EEFSEC: variants seen among roughly 807,000 people sequenced by gnomAD.
EEFSEC encodes the protein selenocysteine-specific elongation factor.
Under a neutral mutation model 42.1 loss-of-function variants are expected in EEFSEC, and 43 were observed. That is an observed-to-expected ratio of 1.02 (90% CI 0.80 to 1.32). The LOEUF (loss-of-function observed/expected upper bound fraction) is 1.32. Among genes scored for constraint, EEFSEC ranks in the 40% most tolerant of loss-of-function variants. The pLI is 0.00. For missense variants in EEFSEC, 745 were observed against 803.6 expected (o/e 0.93, Z 0.88); for synonymous variants, 354 against 339.1 (o/e 1.04, Z -0.48).
chr3:128,367,375 G>A (rs754144691), intron 6 of EEFSEC, among the ~76,000 whole-genome samples: 8 of 152,212 alleles, frequency 5.3e-5, no homozygotes, highest in Non-Finnish European at 7.3e-5. Context: ...GACCCCAACC[G>A]AGTCTGGGCT....
intron 1 of EEFSEC, among the ~76,000 whole-genome samples, chr3:128,244,939 G>A (rs2066111852): frequency 6.6e-6 from 1 of 152,126 alleles, no homozygotes. Context: ...TTCTGTCATG[G>A]CATTATAGCA....
intron 1 of EEFSEC, among the ~76,000 whole-genome samples, chr3:128,158,685 C>T (rs958783428): frequency 6.6e-6 from 1 of 152,216 alleles, no homozygotes; most frequent in Non-Finnish European, 1.5e-5. Flanking sequence ...ACTTAATTGA[C>T]GACATGTCAT....
intron 6 of EEFSEC, among the ~76,000 whole-genome samples, chr3:128,365,245 G>A (rs1327422138): frequency 6.6e-6 from 1 of 152,214 alleles, no homozygotes; most frequent in Admixed American, 6.5e-5. Context: ...CTGAGTGGAT[G>A]GAGAGCCCTG....
intron 1 of EEFSEC, among the ~76,000 whole-genome samples, chr3:128,234,483 C>A (rs556919608): frequency 1.7e-4 from 26 of 152,316 alleles, no homozygotes; most frequent in African/African-American, 6.3e-4. Flanking sequence ...TTGCATACGA[C>A]AGCATGGTTT....
At chr3:128,356,470 C>T (rs1202497766) in intron 5 of EEFSEC, among the ~76,000 whole-genome samples, 1 of 152,156 alleles carries the variant, frequency 6.6e-6, no homozygotes, top group African/African-American at 2.4e-5. Flanking sequence ...AATTGTCACC[C>T]TTGCTGGACC....
At chr3:128,215,892 A>G (rs2065805845) in intron 1 of EEFSEC, among the ~76,000 whole-genome samples, 1 of 152,126 alleles carries the variant, frequency 6.6e-6, no homozygotes, top group African/African-American at 2.4e-5. Context: ...CAAAAAGCAC[A>G]GGAGAGACTG....
intron 1 of EEFSEC, among the ~76,000 whole-genome samples, chr3:128,218,125 A>G (rs116880924): frequency 6.6e-6 from 1 of 152,324 alleles, no homozygotes; most frequent in East Asian, 1.9e-4. Flanking sequence ...ACTAGCAGTG[A>G]GAGTACACAG....
intron 1 of EEFSEC, among the ~76,000 whole-genome samples, chr3:128,221,906 C>T (rs760910881): frequency 8.6e-5 from 13 of 151,724 alleles, no homozygotes; most frequent in African/African-American, 1.5e-4. Context: ...AAAAGAAATT[C>T]TAAGTATTAA....
chr3:128,274,814 G>A (rs564680182), intron 4 of EEFSEC, among the ~76,000 whole-genome samples: 61 of 152,302 alleles, frequency 4.0e-4, no homozygotes, highest in African/African-American at 1.4e-3. Flanking sequence ...GGCAAGACAC[G>A]CCCCTCTGTA....
chr3:128,286,925 G>A (rs2066592371), intron 4 of EEFSEC, among the ~76,000 whole-genome samples: 1 of 152,172 alleles, frequency 6.6e-6, no homozygotes, highest in Admixed American at 6.5e-5. Flanking sequence ...AGTACACATG[G>A]CTCATTCTAG....
At chr3:128,364,439 G>C (rs2067564573) in intron 6 of EEFSEC, among the ~76,000 whole-genome samples, 2 of 152,226 alleles carry the variant, frequency 1.3e-5, no homozygotes, top group African/African-American at 4.8e-5. Context: ...GCTGCATAGA[G>C]AGCTAGAATC....
At chr3:128,211,803 A>G (rs2065758784) in intron 1 of EEFSEC, among the ~76,000 whole-genome samples, 1 of 148,594 alleles carries the variant, frequency 6.7e-6, no homozygotes, top group East Asian at 2.0e-4. Flanking sequence ...GGCGTGAGCC[A>G]CCACACCTGG....
At chr3:128,258,947 A>G (rs1317968133) in intron 2 of EEFSEC, among the ~76,000 whole-genome samples, 1 of 152,188 alleles carries the variant, frequency 6.6e-6, no homozygotes, top group Non-Finnish European at 1.5e-5. Flanking sequence ...CTCAGGTTTA[A>G]AGTAAACTCA....
the EEFSEC span, among the ~76,000 whole-genome samples, chr3:128,413,659 G>C: frequency 1.3e-5 from 2 of 152,158 alleles, no homozygotes; most frequent in African/African-American, 4.8e-5. Context: ...AGAGAGAAAC[G>C]GCCACATCCC....
intron 4 of EEFSEC, among the ~76,000 whole-genome samples, chr3:128,280,287 A>G (rs1292946492): frequency 6.6e-6 from 1 of 150,542 alleles, no homozygotes; most frequent in Non-Finnish European, 1.5e-5. Context: ...GTTTCAGTCT[A>G]TTTAATTGGT....
chr3:128,201,461 A>T (rs1277693836), intron 1 of EEFSEC, among the ~76,000 whole-genome samples: 1 of 152,002 alleles, frequency 6.6e-6, no homozygotes, highest in South Asian at 2.1e-4. Context: ...TTCTCTGATG[A>T]CTAATAACAT....
In EEFSEC at chr3:128,173,874, A is replaced by G. The variant is rs72985517; in HGVS notation, c.316+20051A>G. Among the ~76,000 whole-genome samples, 302 of 152,314 alleles carry G rather than the reference A, an allele frequency of 2.0e-3. 1 individual carries two copies. Among genetic ancestry groups the G allele is most frequent in the African/African-American group, 6.9e-3 (288 of 41,580 alleles). On this transcript the variant is annotated intron_variant, in intron 1 of 6. Coordinates refer to ENST00000254730, the MANE Select transcript of EEFSEC (RefSeq NM_021937.5). ...AGAGAATGGTGCCCCAAGTGAAGATAGCAGGGAGGGGTTGTGTGTGGCCTT... is the reference window on the plus strand; with the variant it reads ...AGAGAATGGTGCCCCAAGTGAAGATGGCAGGGAGGGGTTGTGTGTGGCCTT...
chr3:128,336,765 C>A (rs1301157742), intron 4 of EEFSEC: 1 of 152,250 alleles, frequency 6.6e-6, no homozygotes, highest in Non-Finnish European at 1.5e-5. Context: ...TTTTTTCTCA[C>A]AGTACCTCCC....
At chr3:128,201,871 T>C (rs1430890372) in intron 1 of EEFSEC, among the ~76,000 whole-genome samples, 8 of 152,240 alleles carry the variant, frequency 5.3e-5, no homozygotes, top group African/African-American at 1.9e-4. Flanking sequence ...CTTGAATTAG[T>C]TTTTGTATGT....
Sources: allele counts gnomAD v4.1 joint callset (sites outside exome capture counted in the v4.1 genomes callset), GRCh38; gene constraint gnomAD v4.1.1; transcripts MANE v1.5; gene names NCBI Gene and HGNC (gene_info 2026-07-23, HGNC 2026-07-21).